Variants in PTPRD observed in about 807,000 individuals in gnomAD.
PTPRD encodes the protein receptor-type tyrosine-protein phosphatase delta.
A neutral mutation model predicts 214.5 loss-of-function variants in PTPRD; 34 were observed. The ratio of observed to expected loss-of-function variants is 0.16; its 90% CI spans 0.12 to 0.21. The LOEUF (loss-of-function observed/expected upper bound fraction) is 0.21, where lower values mean the gene tolerates loss of function less well. Among genes scored for constraint, PTPRD ranks in the 10% least tolerant of loss-of-function variants. PTPRD has a pLI of 1.00. For synonymous variants in PTPRD, 1,128 were observed against 845.7 expected, an observed-to-expected ratio of 1.33 and a Z score of -5.79; for missense variants, 2,545 against 2,398.7, an observed-to-expected ratio of 1.06 and a Z score of -1.27.
intron 9 of PTPRD, among the ~76,000 whole-genome samples, chr9:9,349,478 T>C (rs1044854538): frequency 1.3e-4 from 20 of 152,038 alleles, no homozygotes; most frequent in East Asian, 9.6e-4. Context: ...TAAAGTGATA[T>C]AGAAGTGCCA....
At position 8,338,910 on chromosome 9, in the gene PTPRD, G is replaced by A; in HGVS notation, c.5379+12C>T. 1.9e-6 allele frequency: 3 copies of A among 1,604,748 alleles called. No individual in the cohort carries two copies. In the African/African-American group the frequency reaches 4.0e-5, roughly 21 times the overall value. The stretch of plus-strand genomic sequence containing the variant: ...AGCTAATGGTTAAGAGTTGAAGACT[G>A]TGCCAACTTACCCTGGCATCTGTGA... On this transcript the variant is annotated intron_variant, in intron 43 of 45. Transcript: ENST00000381196.
intron 7 of PTPRD, among the ~76,000 whole-genome samples, chr9:9,653,769 C>T (rs1417993264): frequency 6.6e-6 from 1 of 152,170 alleles, no homozygotes; most frequent in Non-Finnish European, 1.5e-5. Flanking sequence ...TTATAAAGCT[C>T]CTTCCTCTAA....
chr9:10,578,187 G>C (rs1464597017), intron 2 of PTPRD, among the ~76,000 whole-genome samples: 1 of 152,054 alleles, frequency 6.6e-6, no homozygotes, highest in Admixed American at 6.6e-5. Flanking sequence ...TGAGATTACA[G>C]GCATGAGCCA....
intron 39 of PTPRD, among the ~76,000 whole-genome samples, chr9:8,344,284 T>G (rs950808037): frequency 1.3e-5 from 2 of 152,016 alleles, no homozygotes; most frequent in Non-Finnish European, 2.9e-5. Context: ...ATACATCAAG[T>G]CAATTCTAGA....
chr9:8,839,413 C>T (rs935014463), intron 11 of PTPRD, among the ~76,000 whole-genome samples: 2 of 152,262 alleles, frequency 1.3e-5, no homozygotes, highest in Admixed American at 6.5e-5. Flanking sequence ...GCAGCCTCTG[C>T]CTCCAGGTTC....
intron 5 of PTPRD, among the ~76,000 whole-genome samples, chr9:9,794,572 T>C (rs1019245973): frequency 2.0e-5 from 3 of 152,112 alleles, no homozygotes; most frequent in Non-Finnish European, 4.4e-5. Context: ...AAGGAGAATT[T>C]AGACTCTTTA....
intron 8 of PTPRD, among the ~76,000 whole-genome samples, chr9:9,502,562 A>G (rs755363122): frequency 3.9e-5 from 6 of 152,070 alleles, no homozygotes; most frequent in Non-Finnish European, 7.4e-5. Context: ...CACTGAGTAT[A>G]ATTCAGTGAT....
At chr9:9,473,498 T>C (rs528133443) in intron 8 of PTPRD, among the ~76,000 whole-genome samples, 3 of 152,292 alleles carry the variant, frequency 2.0e-5, no homozygotes, top group South Asian at 2.1e-4. Flanking sequence ...AGGAGTGAGA[T>C]TGCTGGAGTG....
At chr9:9,377,997 A>C (rs2061251575) in intron 9 of PTPRD, among the ~76,000 whole-genome samples, 1 of 152,090 alleles carries the variant, frequency 6.6e-6, no homozygotes, top group Non-Finnish European at 1.5e-5. Context: ...TCCCTCTCCC[A>C]CATATGCACA....
chr9:8,931,476 T>C lies in PTPRD; in HGVS notation c.-104+87221A>G, dbSNP rs147825573. ...TTTTGGTTCCGTATGAACTTTAAAG[T>C]AGTTTTTTCCAATTCTGTGAAGAAA... On this transcript the variant is annotated intron_variant, in intron 11 of 45. Coordinates refer to ENST00000381196, the MANE Select transcript of PTPRD (RefSeq NM_002839.4). Among the ~76,000 whole-genome samples the C allele has an allele frequency of 8.8e-3, 1,335 of 152,276 alleles. 17 individuals are homozygous for C. The highest frequency in any genetic ancestry group is 0.027 in the African/African-American group (1,101 of 41,540).
At chr9:9,842,034 G>C (rs909716210) in intron 5 of PTPRD, among the ~76,000 whole-genome samples, 1 of 151,650 alleles carries the variant, frequency 6.6e-6, no homozygotes, top group African/African-American at 2.4e-5. Flanking sequence ...TTTAATATTG[G>C]GAAAAATTGC....
chr9:8,661,456 T>C lies in PTPRD; in HGVS notation c.65-24612A>G, dbSNP rs184517375. Among the ~76,000 whole-genome samples the C allele has an allele frequency of 2.6e-5, 4 of 152,222 alleles. No individual in the cohort carries two copies. The East Asian group carries it at 7.7e-4, about 29-fold the overall frequency. Reference sequence around the variant, plus strand: ...CTGACATATAGAAAAAATGACTTTGTATTCCAAAGGGAAATTTTAATGTCT... The same window carrying C: ...CTGACATATAGAAAAAATGACTTTGCATTCCAAAGGGAAATTTTAATGTCT... On this transcript the variant is annotated intron_variant, in intron 12 of 45. Coordinates refer to ENST00000381196, the MANE Select transcript of PTPRD (RefSeq NM_002839.4).
intron 2 of PTPRD, among the ~76,000 whole-genome samples, chr9:10,442,747 C>T (rs1264780366): frequency 6.6e-6 from 1 of 151,404 alleles, no homozygotes; most frequent in Non-Finnish European, 1.5e-5. Context: ...GCTTGTAAAA[C>T]CATTGTTAAA....
intron 11 of PTPRD, among the ~76,000 whole-genome samples, chr9:8,942,802 C>T (rs997801421): frequency 6.6e-6 from 1 of 151,930 alleles, no homozygotes; most frequent in Admixed American, 6.6e-5. Flanking sequence ...TCCTCAGTCA[C>T]AATTTTTTAA....
At chr9:10,071,470 A>G (rs1403520869) in intron 3 of PTPRD, among the ~76,000 whole-genome samples, 1 of 152,076 alleles carries the variant, frequency 6.6e-6, no homozygotes, top group Non-Finnish European at 1.5e-5. Flanking sequence ...ATAGACCTAC[A>G]CAAATATAGT....
intron 11 of PTPRD, among the ~76,000 whole-genome samples, chr9:8,862,946 C>T (rs926569285): frequency 2.6e-5 from 4 of 152,064 alleles, no homozygotes; most frequent in Non-Finnish European, 5.9e-5. Context: ...GGGAGAGCAT[C>T]GGGAGATATA....
intron 2 of PTPRD, among the ~76,000 whole-genome samples, chr9:10,447,273 T>G (rs919086480): frequency 2.0e-5 from 3 of 152,024 alleles, no homozygotes; most frequent in Admixed American, 2.0e-4. Flanking sequence ...GCACATGGCA[T>G]GCAGAGAAAT....
intron 10 of PTPRD, among the ~76,000 whole-genome samples, chr9:9,129,757 C>T (rs2099839734): frequency 6.6e-6 from 1 of 152,166 alleles, no homozygotes; most frequent in Admixed American, 6.5e-5. Context: ...TGTTTGACTA[C>T]ATCCCACATA....
At chr9:8,831,097 T>C (rs1442230775) in intron 11 of PTPRD, among the ~76,000 whole-genome samples, 8 of 152,134 alleles carry the variant, frequency 5.3e-5, no homozygotes, top group Admixed American at 5.2e-4. Context: ...ATCCAGCTCC[T>C]ACACTTCGCA....
Sources: allele counts gnomAD v4.1 joint callset (sites outside exome capture counted in the v4.1 genomes callset), GRCh38; gene constraint gnomAD v4.1.1; transcripts MANE v1.5; gene names NCBI Gene and HGNC (gene_info 2026-07-23, HGNC 2026-07-21).